Variants in TBC1D22A observed in about 807,000 individuals in gnomAD.
The protein encoded by TBC1D22A is TBC1 domain family member 22A.
Under a neutral mutation model 60.2 loss-of-function variants are expected in TBC1D22A, and 38 were observed. The ratio of observed to expected loss-of-function variants is 0.63; its 90% CI spans 0.49 to 0.83. TBC1D22A has a LOEUF of 0.83. TBC1D22A is among the 40% of genes least tolerant of loss of function. TBC1D22A has a pLI of 0.00. For synonymous variants in TBC1D22A, 302 were observed against 281.7 expected, an observed-to-expected ratio of 1.07 and a Z score of -0.72; for missense variants, 628 against 701.0, an observed-to-expected ratio of 0.90 and a Z score of 1.18.
chr22:46,984,557 T>A (rs1401957584), intron 9 of TBC1D22A, among the ~76,000 whole-genome samples: 1 of 152,132 alleles, frequency 6.6e-6, no homozygotes, highest in Non-Finnish European at 1.5e-5. Context: ...TTGCCTACCC[T>A]GAAGTCATAC....
chr22:46,813,563 C>T (rs1168684911), intron 4 of TBC1D22A, among the ~76,000 whole-genome samples: 4 of 152,196 alleles, frequency 2.6e-5, no homozygotes, highest in African/African-American at 7.2e-5. Flanking sequence ...GTAGTGAGCT[C>T]CTACCAGGCG....
intron 1 of TBC1D22A, among the ~76,000 whole-genome samples, chr22:46,776,324 G>C (rs762877028): frequency 4.6e-5 from 7 of 152,146 alleles, no homozygotes; most frequent in Non-Finnish European, 8.8e-5. Flanking sequence ...AGAGGTGTGC[G>C]TGGAAGTAGT....
intron 11 of TBC1D22A, among the ~76,000 whole-genome samples, chr22:47,038,831 A>G (rs1419503975): frequency 1.3e-5 from 2 of 152,230 alleles, no homozygotes; most frequent in Non-Finnish European, 2.9e-5. Flanking sequence ...TGGCAGCTAC[A>G]GAATTTCTGG....
chr22:47,163,162 C>T (rs4823606), intron 12 of TBC1D22A, among the ~76,000 whole-genome samples: 91,376 of 152,052 alleles, frequency 0.6, 27,677 homozygotes, highest in East Asian at 0.71. Flanking sequence ...CCCCCCCGCC[C>T]GGCCCCTGGC....
intron 7 of TBC1D22A, among the ~76,000 whole-genome samples, chr22:46,909,695 CT>C (rs1400988480): frequency 6.6e-6 from 1 of 152,240 alleles, no homozygotes; most frequent in African/African-American, 2.4e-5. Flanking sequence ...CCTCTGCCCC[CT>C]GCTCCTGACC....
chr22:46,781,264 T>G (rs2083925233), intron 1 of TBC1D22A, among the ~76,000 whole-genome samples: 1 of 151,922 alleles, frequency 6.6e-6, no homozygotes, highest in South Asian at 2.1e-4. Context: ...CAGCCTTGAC[T>G]TCCTGGGCTC....
chr22:47,100,928 C>T (rs1454747654), intron 11 of TBC1D22A, among the ~76,000 whole-genome samples: 1 of 152,156 alleles, frequency 6.6e-6, no homozygotes, highest in Admixed American at 6.5e-5. Flanking sequence ...CAGTTAGAGC[C>T]TCGGCTGAAT....
intron 11 of TBC1D22A, among the ~76,000 whole-genome samples, chr22:47,039,514 G>T (rs2062766737): frequency 2.6e-5 from 4 of 151,850 alleles, no homozygotes. Context: ...TCAATAAAAG[G>T]TTGTTTATAA....
chr22:46,918,871 T>A (rs1486111835), intron 8 of TBC1D22A, among the ~76,000 whole-genome samples: 1 of 152,154 alleles, frequency 6.6e-6, no homozygotes, highest in Non-Finnish European at 1.5e-5. Flanking sequence ...TCAACAAAAT[T>A]GTCCGAAGAA....
At chr22:46,835,511 T>C (rs1161228090) in intron 4 of TBC1D22A, among the ~76,000 whole-genome samples, 2 of 152,024 alleles carry the variant, frequency 1.3e-5, no homozygotes, top group African/African-American at 2.4e-5. Context: ...ATCAGTAGGC[T>C]CAAAGACAGG....
chr22:47,061,676 G>C (rs1046813682), intron 11 of TBC1D22A, among the ~76,000 whole-genome samples: 5 of 152,086 alleles, frequency 3.3e-5, no homozygotes, highest in Non-Finnish European at 7.4e-5. Flanking sequence ...TAGTCATCTA[G>C]AGATTTAGCC....
At chr22:46,820,494 C>T (rs2085781245) in intron 4 of TBC1D22A, among the ~76,000 whole-genome samples, 1 of 152,110 alleles carries the variant, frequency 6.6e-6, no homozygotes, top group Non-Finnish European at 1.5e-5. Context: ...ATTATGTACC[C>T]AGGAGTCATT....
chr22:46,915,536 C>T (rs1403898568), intron 8 of TBC1D22A: 1 of 456,702 alleles, frequency 2.2e-6, no homozygotes, highest in Admixed American at 2.3e-5. Flanking sequence ...GTGGCTACCT[C>T]CTGAGAGCTG....
In TBC1D22A at chr22:47,005,990, G is replaced by A. The variant is rs151041498; in HGVS notation, c.1201+8281G>A. ...TATACACACACCTACACACAGTCCC[G>A]TATACACAGGTGCCTATACATGCAC... On this transcript the variant is annotated intron_variant, in intron 10 of 12. Transcript: ENST00000337137. 3.0e-4 allele frequency among the ~76,000 whole-genome samples: 45 copies of A among 151,258 alleles called. No individual in the cohort carries two copies. In the East Asian group the frequency reaches 7.1e-3, roughly 24 times the overall value.
chr22:46,861,800 T>A (rs1228744643), intron 4 of TBC1D22A, among the ~76,000 whole-genome samples: 1 of 152,238 alleles, frequency 6.6e-6, no homozygotes, highest in African/African-American at 2.4e-5. Flanking sequence ...GGAGGTGGGC[T>A]TCCTCAGCCC....
intron 7 of TBC1D22A, among the ~76,000 whole-genome samples, chr22:46,911,171 G>T (rs546548642): frequency 6.6e-6 from 1 of 152,234 alleles, no homozygotes; most frequent in South Asian, 2.1e-4. Context: ...GAGCGAGTAG[G>T]TGGGAATAAG....
chr22:46,763,604 C>T (rs1463692940), intron 1 of TBC1D22A: 1 of 151,724 alleles, frequency 6.6e-6, no homozygotes, highest in Non-Finnish European at 1.5e-5. Flanking sequence ...GATAAGCAAA[C>T]GTCAAGATTT....
intron 11 of TBC1D22A, among the ~76,000 whole-genome samples, chr22:47,041,189 T>A (rs1344671571): frequency 6.6e-6 from 1 of 152,236 alleles, no homozygotes; most frequent in Admixed American, 6.5e-5. Flanking sequence ...TCTAGTGATA[T>A]CCAAGAGGCC....
chr22:47,067,280 T>C (rs1322599835), intron 11 of TBC1D22A, among the ~76,000 whole-genome samples: 1 of 152,188 alleles, frequency 6.6e-6, no homozygotes, highest in African/African-American at 2.4e-5. Context: ...AAAGCCCCCA[T>C]TTTAACCACT....
Sources: gnomAD v4.1 joint callset for allele counts (sites outside exome capture counted in the v4.1 genomes callset) on GRCh38, gnomAD v4.1.1 for gene constraint, MANE v1.5 for transcripts, NCBI Gene and HGNC (gene_info 2026-07-23, HGNC 2026-07-21) for gene names.